Variants in PTPRT observed in about 807,000 individuals in gnomAD.
The protein encoded by PTPRT is receptor-type tyrosine-protein phosphatase T.
PTPRT carries 56 observed loss-of-function variants against 176.8 expected under a neutral mutation model. That is an observed-to-expected ratio of 0.32 (90% confidence interval 0.26 to 0.40). The LOEUF (loss-of-function observed/expected upper bound fraction) is 0.40, where lower values mean the gene tolerates loss of function less well. Among genes scored for constraint, PTPRT ranks in the 10% least tolerant of loss-of-function variants. The probability of loss-of-function intolerance (pLI) is 1.00; values close to 1 mark genes in which losing one functional copy is unlikely to be tolerated. For synonymous variants in PTPRT, 783 were observed against 739.0 expected (o/e 1.06, Z -0.96); for missense variants, 1,540 against 1,908.2 (o/e 0.81, Z 3.60).
intron 16 of PTPRT, among the ~76,000 whole-genome samples, chr20:42,168,677 A>T (rs1425422401): frequency 6.6e-6 from 1 of 152,160 alleles, no homozygotes; most frequent in Non-Finnish European, 1.5e-5. Flanking sequence ...AATTGATTCA[A>T]CCACAGGTAG....
At chr20:42,790,366 G>C (rs1569158680) in intron 3 of PTPRT, among the ~76,000 whole-genome samples, 1 of 152,092 alleles carries the variant, frequency 6.6e-6, no homozygotes, top group Non-Finnish European at 1.5e-5. Flanking sequence ...GAAAGAGAGA[G>C]AGGTTTAGGA....
the PTPRT span, among the ~76,000 whole-genome samples, chr20:42,059,135 C>T: frequency 1.3e-5 from 2 of 152,196 alleles, no homozygotes; most frequent in African/African-American, 4.8e-5. Context: ...GGCGAGGACT[C>T]TGAGGGTCAG....
intron 7 of PTPRT, among the ~76,000 whole-genome samples, chr20:42,525,992 A>G (rs2072260902): frequency 4.0e-5 from 6 of 151,382 alleles, no homozygotes; most frequent in Admixed American, 3.9e-4. Context: ...GTCATTTAGC[A>G]TTTAATGTTA....
chr20:42,513,799 G>C (rs2072006588), intron 7 of PTPRT, among the ~76,000 whole-genome samples: 1 of 152,038 alleles, frequency 6.6e-6, no homozygotes, highest in East Asian at 1.9e-4. Context: ...TTTGGGGTTA[G>C]TCATTCAACT....
chr20:42,673,618 A>T (rs984015031), intron 7 of PTPRT, among the ~76,000 whole-genome samples: 1 of 152,194 alleles, frequency 6.6e-6, no homozygotes, highest in African/African-American at 2.4e-5. Context: ...GGGTCCTCAC[A>T]TGGCAGAAGA....
At chr20:42,737,623 T>G (rs2076558921) in intron 6 of PTPRT, among the ~76,000 whole-genome samples, 1 of 106,442 alleles carries the variant, frequency 9.4e-6, no homozygotes, top group Admixed American at 1.1e-4. Flanking sequence ...TAGAGCAAGA[T>G]TCTGCCTCCA....
At chr20:43,070,185 T>G (rs2011161614) in intron 1 of PTPRT, among the ~76,000 whole-genome samples, 1 of 152,144 alleles carries the variant, frequency 6.6e-6, no homozygotes, top group African/African-American at 2.4e-5. Flanking sequence ...ACAGTCCGGA[T>G]AGTCTTGACC....
chr20:42,319,409 G>C (rs1299964167), intron 11 of PTPRT, among the ~76,000 whole-genome samples: 1 of 151,956 alleles, frequency 6.6e-6, no homozygotes, highest in Admixed American at 6.6e-5. Context: ...GAATAGCAAA[G>C]GGTATTTTTT....
intron 3 of PTPRT, among the ~76,000 whole-genome samples, chr20:42,788,934 G>A (rs2077333484): frequency 6.6e-6 from 1 of 152,170 alleles, no homozygotes; most frequent in African/African-American, 2.4e-5. Context: ...TGACAACCAC[G>A]AGCTACTGAA....
intron 2 of PTPRT, among the ~76,000 whole-genome samples, chr20:42,883,175 T>C (rs139288466): frequency 3.3e-5 from 5 of 152,278 alleles, no homozygotes; most frequent in African/African-American, 9.6e-5. Flanking sequence ...AACATGCTTA[T>C]ATTCTAGAAT....
intron 2 of PTPRT, among the ~76,000 whole-genome samples, chr20:42,835,861 A>C (rs1452863480): frequency 2.0e-5 from 3 of 152,140 alleles, no homozygotes; most frequent in East Asian, 3.9e-4. Flanking sequence ...CTCTTTAATC[A>C]GGCAAAGCAT....
intron 12 of PTPRT, among the ~76,000 whole-genome samples, chr20:42,301,554 C>A (rs988628706): frequency 2.6e-5 from 4 of 151,850 alleles, no homozygotes; most frequent in African/African-American, 9.7e-5. Flanking sequence ...ACATTAATTT[C>A]CTGGTAATTG....
At chr20:42,236,410 C>T in intron 14 of PTPRT, 152 bp from the exon 15 acceptor site, 1 of 644,962 alleles carries the variant, frequency 1.6e-6, no homozygotes, top group Non-Finnish European at 2.7e-6. Flanking sequence ...GATGCAAGTT[C>T]CTCTACTAAT....
In PTPRT at chr20:42,563,092, A is replaced by G. The variant is rs909098670; in HGVS notation, c.1154-90530T>C. On this transcript the variant is annotated intron_variant, in intron 7 of 30. Coordinates refer to ENST00000373187, the MANE Select transcript of PTPRT (RefSeq NM_007050.6). Reference sequence around the variant, plus strand: ...ACATCTCTATATAAAAAGAGTATAAAGAAGACAAATCTGTTAAAAACTAAA... The same window carrying G: ...ACATCTCTATATAAAAAGAGTATAAGGAAGACAAATCTGTTAAAAACTAAA... Among the ~76,000 whole-genome samples, 6 of 152,224 alleles carry G rather than the reference A, an allele frequency of 3.9e-5. No homozygotes were observed. In the East Asian group the frequency reaches 1.2e-3, roughly 29 times the overall value.
chr20:43,003,035 TACAG>T (rs2146133751), intron 1 of PTPRT, among the ~76,000 whole-genome samples: 2 of 152,132 alleles, frequency 1.3e-5, no homozygotes, highest in Admixed American at 1.3e-4. Flanking sequence ...AGGAAACAGT[TACAG>T]AAAGAATTTC....
intron 9 of PTPRT, among the ~76,000 whole-genome samples, chr20:42,398,929 A>AT (rs1303602291): frequency 6.6e-6 from 1 of 152,240 alleles, no homozygotes; most frequent in African/African-American, 2.4e-5. Flanking sequence ...GGCCTCACTC[A>AT]TACAACTGGC....
intron 7 of PTPRT, among the ~76,000 whole-genome samples, chr20:42,602,627 AC>A (rs1431227061): frequency 6.6e-6 from 1 of 151,968 alleles, no homozygotes; most frequent in Non-Finnish European, 1.5e-5. Flanking sequence ...CAAGCTTGGA[AC>A]CCAGGCAGCA....
intron 2 of PTPRT, among the ~76,000 whole-genome samples, chr20:42,810,485 G>A (rs1463307612): frequency 6.6e-6 from 1 of 152,152 alleles, no homozygotes; most frequent in Non-Finnish European, 1.5e-5. Flanking sequence ...GACTGGTCTG[G>A]TCAGGACCTG....
intron 7 of PTPRT, among the ~76,000 whole-genome samples, chr20:42,535,958 C>G (rs1206981888): frequency 6.6e-6 from 1 of 152,134 alleles, no homozygotes; most frequent in Non-Finnish European, 1.5e-5. Context: ...ACTGCATATA[C>G]AGATAACTAC....
Sources: allele counts gnomAD v4.1 joint callset (sites outside exome capture counted in the v4.1 genomes callset), GRCh38; gene constraint gnomAD v4.1.1; transcripts MANE v1.5; gene names NCBI Gene and HGNC (gene_info 2026-07-23, HGNC 2026-07-21).